SERAC1: variants seen among roughly 807,000 people sequenced by gnomAD.
The protein encoded by SERAC1 is serine active site containing 1.
In SERAC1, 36 loss-of-function variants were observed where a neutral mutation model predicts 85.7. The ratio of observed to expected loss-of-function variants is 0.42; its 90% CI spans 0.32 to 0.55. The LOEUF (loss-of-function observed/expected upper bound fraction) is 0.55, where lower values mean the gene tolerates loss of function less well. Ranked by LOEUF, SERAC1 falls within the 20% of genes least tolerant of loss-of-function variation. The pLI is 0.11. For synonymous variants in SERAC1, 242 were observed against 265.3 expected, an observed-to-expected ratio of 0.91 and a Z score of 0.85; for missense variants, 629 against 796.2, an observed-to-expected ratio of 0.79 and a Z score of 2.53.
Position 158,117,469 on chromosome 6 carries a change from G to A in SERAC1, c.1403+258C>T, listed in dbSNP as rs1238445213. The stretch of plus-strand genomic sequence containing the variant: ...AAAAGGAGACTGCTAGACAATCCAC[G>A]ATCCTTCACTATTAGAACAGTTGTA... On this transcript the variant is annotated intron_variant, in intron 13 of 16. Coordinates refer to ENST00000647468, the MANE Select transcript of SERAC1 (RefSeq NM_032861.4). This position sits in a 1 kb window ranked among gnomAD's most constrained non-coding sequence, Gnocchi z 4.3. 3 of 1,528,116 alleles carry A rather than the reference G, an allele frequency of 2.0e-6. No individual in the cohort carries two copies. The highest frequency in any genetic ancestry group is 2.5e-5 in the East Asian group (1 of 40,796). 94.7% of individuals were successfully genotyped at this position (1,528,116 alleles called of 1,614,324 possible).
intron 16 of SERAC1, 97 bp downstream of exon 16, chr6:158,113,350 CTT>C: frequency 1.8e-5 from 17 of 967,062 alleles, no homozygotes; most frequent in Non-Finnish European, 2.7e-5. Flanking sequence ...TAAACTATCT[CTT>C]AAAACTGAGA....
At chr6:158,138,600 G>A (rs1489380858) in intron 8 of SERAC1, among the ~76,000 whole-genome samples, 1 of 152,092 alleles carries the variant, frequency 6.6e-6, no homozygotes, top group Non-Finnish European at 1.5e-5. Flanking sequence ...GGGTGCAGGA[G>A]ATAATTTAGT....
At position 158,119,062 on chromosome 6, in the gene SERAC1, C is replaced by T; in HGVS notation, c.1275G>A (p.Glu425=). The T allele has an allele frequency of 6.2e-7, 1 of 1,613,908 alleles. No homozygotes were observed. The highest frequency in any genetic ancestry group is 8.5e-7 in the Non-Finnish European group (1 of 1,179,878). The change falls in exon 12 of 17, where the codon GAG becomes GAA. Residue 425 remains glutamate (E), a synonymous_variant. Coordinates refer to ENST00000647468, the MANE Select transcript of SERAC1 (RefSeq NM_032861.4). This position sits in a 1 kb window ranked among gnomAD's most constrained non-coding sequence, Gnocchi z 4.5. ...SEQAVIEKPM[E]DEDRYTTCWP... is the part of the protein sequence containing the mutation. ...AGCACGTCGTATATCTGTCTTCATC[C>T]TCCATAGGTTTTTCAATTACAGCCT...
At chr6:158,122,662 C>T (rs903300965) in intron 10 of SERAC1, among the ~76,000 whole-genome samples, 3 of 151,986 alleles carry the variant, frequency 2.0e-5, no homozygotes, top group Non-Finnish European at 2.9e-5. Context: ...CGCCTGTAAT[C>T]CCAGCGACTC....
intron 8 of SERAC1, among the ~76,000 whole-genome samples, chr6:158,133,991 A>T (rs999871285): frequency 6.6e-6 from 1 of 152,240 alleles, no homozygotes; most frequent in African/African-American, 2.4e-5. Context: ...AGGTATTTTC[A>T]TATCACATCT....
At chr6:158,146,588 T>C in intron 6 of SERAC1, 194 bp downstream of exon 6, 1 of 466,536 alleles carries the variant, frequency 2.1e-6, no homozygotes, top group South Asian at 2.2e-5. Flanking sequence ...TTTTTGTATT[T>C]TTAGTAGAGA....
chr6:158,155,016 A>C (rs1366574374), intron 3 of SERAC1, among the ~76,000 whole-genome samples: 1 of 152,082 alleles, frequency 6.6e-6, no homozygotes, highest in African/African-American at 2.4e-5. Context: ...TGCCTGATTT[A>C]AGTGTGTCAG....
chr6:158,118,158 G>T (rs1784335540), intron 12 of SERAC1, among the ~76,000 whole-genome samples: 1 of 152,118 alleles, frequency 6.6e-6, no homozygotes, highest in South Asian at 2.1e-4. Context: ...CAGGACAGAT[G>T]GCATAGTCTG....
chr6:158,168,001 T>G (rs1785648703), intron 1 of SERAC1, 139 bp downstream of exon 1: 2 of 151,884 alleles, frequency 1.3e-5, no homozygotes, highest in South Asian at 4.2e-4. Context: ...GAGCGTCAGC[T>G]GGTCGGTCCG....
In SERAC1 at chr6:158,120,371, C is replaced by CT; in HGVS notation, c.1166+53dup. On this transcript the variant is annotated intron_variant, in intron 11 of 16. Coordinates refer to ENST00000647468, the MANE Select transcript of SERAC1 (RefSeq NM_032861.4). The surrounding 1 kb of genome is among the most constrained non-coding windows in gnomAD (Gnocchi z 4.4). ...CAGAAATAAGTTAAAAATTTGAGGC[C>CT]TCTAGGCTTCACATTTCCAAAGGGG... The CT allele has an allele frequency of 1.3e-6, 2 of 1,550,832 alleles. No individual in the cohort carries two copies. The highest frequency in any genetic ancestry group is 1.7e-6 in the Non-Finnish European group (2 of 1,145,718).
Position 158,120,163 on chromosome 6 carries a change from G to C in SERAC1, c.1166+262C>G, listed in dbSNP as rs1435883811. Among the ~76,000 whole-genome samples, 2 of 152,152 alleles carry C rather than the reference G, an allele frequency of 1.3e-5. No individual in the cohort carries two copies. The highest frequency in any genetic ancestry group is 2.9e-5 in the Non-Finnish European group (2 of 68,016). On this transcript the variant is annotated intron_variant, in intron 11 of 16. Coordinates refer to ENST00000647468, the MANE Select transcript of SERAC1 (RefSeq NM_032861.4). The surrounding 1 kb of genome is among the most constrained non-coding windows in gnomAD (Gnocchi z 4.4). Reference sequence around the variant, plus strand: ...GATATGTATTACAAAGTTTAAGTGTGACGCATTATCAAATGTGAATGCCAC... The same window carrying C: ...GATATGTATTACAAAGTTTAAGTGTCACGCATTATCAAATGTGAATGCCAC...
At chr6:158,167,537 C>CAAAAAAAAAAAA in intron 1 of SERAC1, among the ~76,000 whole-genome samples, 1 of 69,922 alleles carries the variant, frequency 1.4e-5, no homozygotes, top group Non-Finnish European at 3.2e-5. Context: ...GACTCCATCT[C>CAAAAAAAAAAAA]AAAAAAAAAA....
chr6:158,134,036 A>C (rs985768496), intron 8 of SERAC1, among the ~76,000 whole-genome samples: 13 of 152,084 alleles, frequency 8.5e-5, no homozygotes, highest in African/African-American at 3.1e-4. Flanking sequence ...GGTTATATTC[A>C]CTCTTCCTTT....
intron 1 of SERAC1, chr6:158,161,764 A>C (rs1785492871): frequency 6.6e-6 from 1 of 152,030 alleles, no homozygotes; most frequent in African/African-American, 2.4e-5. Context: ...ATGCAAACCA[A>C]CCAATCCCAG....
chr6:158,114,378 G>C (rs1784223669), intron 15 of SERAC1: 1 of 592,878 alleles, frequency 1.7e-6, no homozygotes. Flanking sequence ...AGGTGTTCCA[G>C]AGAGAAAACT....
chr6:158,116,290 AAAC>A lies in SERAC1; in HGVS notation c.1404-11_1404-9del. 3 of 1,610,208 alleles carry A rather than the reference AAAC, an allele frequency of 1.9e-6. No individual in the cohort carries two copies. Among genetic ancestry groups the A allele is most frequent in the Non-Finnish European group, 8.5e-7 (1 of 1,176,544 alleles). ...CTGAATGCAATGGACTTTCTGAACA[AAAC>A]AAAAACAGCAGGCATGACACAAGGC... is the stretch of plus-strand genomic sequence containing the variant. On this transcript the variant is annotated splice_polypyrimidine_tract_variant and intron_variant, in intron 13 of 16. Coordinates refer to ENST00000647468, the MANE Select transcript of SERAC1 (RefSeq NM_032861.4).
At chr6:158,146,991 T>C (rs1785076699) in intron 5 of SERAC1, 78 bp from the exon 6 acceptor site, 1 of 1,450,330 alleles carries the variant, frequency 6.9e-7, no homozygotes, top group Admixed American at 1.8e-5. Flanking sequence ...TGGTAATTTA[T>C]AAACACTGAA....
chr6:158,164,871 A>C (rs1785562808), intron 1 of SERAC1, among the ~76,000 whole-genome samples: 1 of 152,168 alleles, frequency 6.6e-6, no homozygotes, highest in Non-Finnish European at 1.5e-5. Flanking sequence ...GCAATTTCTG[A>C]AAAGTGTCCT....
At position 158,120,332 on chromosome 6, in the gene SERAC1, T is replaced by A. The variant is rs1001860296; in HGVS notation, c.1166+93A>T. 1.6e-6 allele frequency: 2 copies of A among 1,269,832 alleles called. No individual in the cohort carries two copies. Among genetic ancestry groups the A allele is most frequent in the Non-Finnish European group, 2.1e-6 (2 of 934,044 alleles). The allele number at this position is 1,269,832 out of a possible 1,614,324, so 78.7% of individuals were successfully genotyped here. A position where few individuals can be genotyped will look rare whatever the true frequency, so the allele number is the denominator to read the frequency against. The stretch of plus-strand genomic sequence containing the variant: ...ATATTTGACTTATAAGTTATTTAAC[T>A]TATCTGAATTATGCAGAAATAAGTT... On this transcript the variant is annotated intron_variant, in intron 11 of 16. Coordinates refer to ENST00000647468, the MANE Select transcript of SERAC1 (RefSeq NM_032861.4). The surrounding 1 kb of genome is among the most constrained non-coding windows in gnomAD (Gnocchi z 4.4).
Sources: gnomAD v4.1 joint callset for allele counts (sites outside exome capture counted in the v4.1 genomes callset) on GRCh38, gnomAD v4.1.1 for gene constraint, Gnocchi (gnomAD v3.1) non-coding constraint, MANE v1.5 for transcripts, NCBI Gene and HGNC (gene_info 2026-07-23, HGNC 2026-07-21) for gene names.